Variants in WASL observed in about 807,000 individuals in gnomAD.
The protein encoded by WASL is WASP like actin nucleation promoting factor, also known as actin nucleation-promoting factor WASL.
In WASL, 20 loss-of-function variants were observed where a neutral mutation model predicts 55.5. The ratio of observed to expected loss-of-function variants is 0.36; its 90% CI spans 0.25 to 0.52. WASL has a LOEUF of 0.52. Ranked by LOEUF, WASL falls within the 20% of genes least tolerant of loss-of-function variation. The pLI is 0.92. For synonymous variants in WASL, 249 were observed against 217.6 expected (o/e 1.14, Z -1.27); for missense variants, 504 against 622.5 (o/e 0.81, Z 2.03).
At chr7:123,742,279 G>C (rs893544226) in intron 1 of WASL, among the ~76,000 whole-genome samples, 5 of 152,152 alleles carry the variant, frequency 3.3e-5, no homozygotes, top group Non-Finnish European at 7.3e-5. Context: ...TTCTGTCAAA[G>C]GTTCTAGTGT....
chr7:123,716,892 C>T (rs1803852788), intron 1 of WASL, among the ~76,000 whole-genome samples: 1 of 152,064 alleles, frequency 6.6e-6, no homozygotes, highest in South Asian at 2.1e-4. Context: ...TATAGGTGAG[C>T]TCAATTTATT....
chr7:123,721,700 T>C (rs1464690074), intron 1 of WASL, among the ~76,000 whole-genome samples: 1 of 151,876 alleles, frequency 6.6e-6, no homozygotes, highest in Non-Finnish European at 1.5e-5. Context: ...CCAAGGAGAG[T>C]GGATCACCTG....
chr7:123,703,365 T>C (rs1803620425), intron 5 of WASL, among the ~76,000 whole-genome samples: 1 of 152,182 alleles, frequency 6.6e-6, no homozygotes, highest in African/African-American at 2.4e-5. Context: ...CTTCAGAAGG[T>C]TGCTGTACAG....
At chr7:123,739,876 ATGTG>A (rs745649691) in intron 1 of WASL, among the ~76,000 whole-genome samples, 1,773 of 115,512 alleles carry the variant, frequency 0.015, 12 homozygotes, top group South Asian at 0.025. Context: ...ACATTTATAT[ATGTG>A]TGTGTGTGTG....
intron 10 of WASL, among the ~76,000 whole-genome samples, chr7:123,685,843 T>A (rs985918150): frequency 6.8e-6 from 1 of 147,334 alleles, no homozygotes; most frequent in Admixed American, 6.9e-5. Context: ...CCTATAAATA[T>A]ATAAATACAT....
At chr7:123,747,420 G>T (rs978800521) in intron 1 of WASL, among the ~76,000 whole-genome samples, 3 of 152,248 alleles carry the variant, frequency 2.0e-5, no homozygotes, top group African/African-American at 7.2e-5. Context: ...TGAATGGAAC[G>T]ATTCAATCTC....
In WASL at chr7:123,704,666, A is replaced by G; in HGVS notation, c.437-9T>C. 6.9e-7 allele frequency: 1 copy of G among 1,456,964 alleles called. No homozygotes were observed. Among genetic ancestry groups the G allele is most frequent in the South Asian group, 1.3e-5 (1 of 79,278 alleles). The allele number at this position is 1,456,964 out of a possible 1,614,324, so 90.3% of individuals were successfully genotyped here. A position where few individuals can be genotyped will look rare whatever the true frequency, so the allele number is the denominator to read the frequency against. On this transcript the variant is annotated splice_polypyrimidine_tract_variant and intron_variant, in intron 4 of 10. Transcript: ENST00000223023. ...GGGATCTCGTCTTTTCTCTGTTAGAAAATAAATTAGAAGAATATTATTAAA... is the reference window on the plus strand; with the variant it reads ...GGGATCTCGTCTTTTCTCTGTTAGAGAATAAATTAGAAGAATATTATTAAA...
chr7:123,707,677 G>A (rs1429353966), intron 2 of WASL, among the ~76,000 whole-genome samples: 1 of 152,182 alleles, frequency 6.6e-6, no homozygotes, highest in Non-Finnish European at 1.5e-5. Context: ...TTTCTTCTTA[G>A]TGGAGTAGTA....
chr7:123,743,763 T>C (rs1435153658), intron 1 of WASL, among the ~76,000 whole-genome samples: 2 of 152,186 alleles, frequency 1.3e-5, no homozygotes, highest in Non-Finnish European at 2.9e-5. Flanking sequence ...TTGAAATCCT[T>C]GACTAAGCCC....
chr7:123,737,802 A>T (rs1023591837), intron 1 of WASL, among the ~76,000 whole-genome samples: 11 of 152,306 alleles, frequency 7.2e-5, no homozygotes, highest in Admixed American at 6.5e-4. Flanking sequence ...TATTTTTGCA[A>T]TTCTGAGCTA....
At position 123,745,044 on chromosome 7, in the gene WASL, TCATTAA is replaced by T. The variant is rs529024092; in HGVS notation, c.117+3568_117+3573del. On this transcript the variant is annotated intron_variant, in intron 1 of 10. Coordinates refer to ENST00000223023, the MANE Select transcript of WASL (RefSeq NM_003941.4). ...TGAAGCCAATCACCAATCCAGAGTC[TCATTAA>T]CATTTAGGCATATTTGCAGCGAATG... Among the ~76,000 whole-genome samples, 116 of 152,310 alleles carry T rather than the reference TCATTAA, an allele frequency of 7.6e-4. 2 individuals are homozygous for T. The South Asian group carries it at 0.019, about 25-fold the overall frequency.
At chr7:123,686,923 G>A (rs1183434116) in intron 10 of WASL, among the ~76,000 whole-genome samples, 1 of 152,028 alleles carries the variant, frequency 6.6e-6, no homozygotes, top group African/African-American at 2.4e-5. Flanking sequence ...ATATCCTACT[G>A]ACATGCAATT....
intron 1 of WASL, among the ~76,000 whole-genome samples, chr7:123,729,022 T>A (rs150876434): frequency 6.6e-6 from 1 of 152,266 alleles, no homozygotes; most frequent in East Asian, 1.9e-4. Context: ...TTAATAAGTG[T>A]TATTTCTGGG....
intron 2 of WASL, among the ~76,000 whole-genome samples, chr7:123,708,311 AG>A (rs2116789245): frequency 1.3e-5 from 2 of 152,350 alleles, no homozygotes; most frequent in East Asian, 3.9e-4. Flanking sequence ...AGCTGAGACC[AG>A]AGGTGTAAAA....
rs185197488 is a variant in WASL, at chr7:123,696,546, G to C, written c.629+33C>G. The C allele has an allele frequency of 3.8e-4, 568 of 1,505,392 alleles. 2 individuals are homozygous for C. Among genetic ancestry groups the C allele is most frequent in the Non-Finnish European group, 4.6e-5 (52 of 1,130,910 alleles). The allele number at this position is 1,505,392 out of a possible 1,614,324, so 93.3% of individuals were successfully genotyped here. ...AAGAACAGCAATGAATAAATCAAAAGTGAAGATAAGAACAACAAAAGAACT... is the reference window on the plus strand; with the variant it reads ...AAGAACAGCAATGAATAAATCAAAACTGAAGATAAGAACAACAAAAGAACT... On this transcript the variant is annotated intron_variant, in intron 6 of 10. Coordinates refer to ENST00000223023, the MANE Select transcript of WASL (RefSeq NM_003941.4).
chr7:123,711,160 G>T (rs191042124), intron 1 of WASL, among the ~76,000 whole-genome samples: 1 of 151,752 alleles, frequency 6.6e-6, no homozygotes, highest in East Asian at 1.9e-4. Flanking sequence ...TATTCAATAG[G>T]GTCTGAAATC....
rs772140282 is a variant in WASL, at chr7:123,706,765, C to T, written c.314G>A (p.Gly105Glu). 42 of 1,578,698 alleles carry T rather than the reference C, an allele frequency of 2.7e-5. No homozygotes were observed. Among genetic ancestry groups the T allele is most frequent in the Non-Finnish European group, 3.5e-5 (41 of 1,168,456 alleles). The change falls in exon 3 of 11, where the codon GGA becomes GAA. Residue 105 changes from glycine (G) to glutamate (E), a missense_variant. Gly to Glu is a moderately conservative substitution (Grantham distance 98). Transcript: ENST00000223023. ...ATCTCCAGCAAAGGTATGAAAATATCCTCTAGGACTATTATATACAAAGTT... is the reference window on the plus strand; with the variant it reads ...ATCTCCAGCAAAGGTATGAAAATATTCTCTAGGACTATTATATACAAAGTT... ...YNNFVYNSPRGYFHTFAGDTC... is the reference protein window; with the variant it reads ...YNNFVYNSPREYFHTFAGDTC...
At chr7:123,694,910 A>C (rs748955018) in intron 7 of WASL, 42 bp from the exon 8 acceptor site, 1 of 1,563,480 alleles carries the variant, frequency 6.4e-7, no homozygotes, top group Non-Finnish European at 8.6e-7. Context: ...ATATATCCCA[A>C]TTTAAAAAAC....
chr7:123,710,408 T>TA (rs1458414032), intron 1 of WASL, among the ~76,000 whole-genome samples: 2 of 151,952 alleles, frequency 1.3e-5, no homozygotes, highest in Non-Finnish European at 2.9e-5. Context: ...GGCTCTGTAA[T>TA]AAAAAATAGA....
Sources: gnomAD v4.1 joint callset for allele counts (sites outside exome capture counted in the v4.1 genomes callset) on GRCh38, gnomAD v4.1.1 for gene constraint, MANE v1.5 for transcripts, NCBI Gene and HGNC (gene_info 2026-07-23, HGNC 2026-07-21) for gene names.